PANK2: variants seen among roughly 807,000 people sequenced by gnomAD.
PANK2 encodes pantothenate kinase 2, mitochondrial.
A neutral mutation model predicts 43.1 loss-of-function variants in PANK2; 36 were observed. The observed-to-expected ratio is 0.84, with a 90% CI of 0.64 to 1.10. The LOEUF (loss-of-function observed/expected upper bound fraction) is 1.10, where lower values mean the gene tolerates loss of function less well. Ranked by LOEUF, PANK2 falls within the 50% of genes least tolerant of loss-of-function variation. The pLI, the probability that PANK2 is intolerant of heterozygous loss-of-function variation, is 0.00. For missense variants in PANK2, 576 were observed against 593.3 expected (o/e 0.97, Z 0.30); for synonymous variants, 281 against 238.2 (o/e 1.18, Z -1.66).
intron 1 of PANK2, among the ~76,000 whole-genome samples, chr20:3,900,295 T>C (rs1451507181): frequency 6.6e-6 from 1 of 151,736 alleles, no homozygotes; most frequent in Non-Finnish European, 1.5e-5. Flanking sequence ...CTTTCCCCTG[T>C]AGGGAAAGGA....
In PANK2 at chr20:3,912,100, G is replaced by A. The variant is rs566194782; in HGVS notation, c.906-358G>A. On this transcript the variant is annotated intron_variant, in intron 3 of 6. Coordinates refer to ENST00000610179, the MANE Select transcript of PANK2 (RefSeq NM_001386393.1). ...GTGTACTGATAAGCCAGGGTGACAA[G>A]GTGCTTGGATGAGAATGACTCAGGG... Among the ~76,000 whole-genome samples the A allele has an allele frequency of 1.5e-4, 23 of 152,286 alleles. 2 individuals carry two copies. The South Asian group carries it at 2.7e-3, about 18-fold the overall frequency.
intron 6 of PANK2, chr20:3,921,786 C>CT (rs1281236403): frequency 3.3e-5 from 5 of 152,220 alleles, no homozygotes; most frequent in African/African-American, 1.2e-4. Context: ...TCTCGGCTCA[C>CT]TTTAACTTCT....
chr20:3,904,300 G>T (rs1315051167), intron 1 of PANK2, among the ~76,000 whole-genome samples: 1 of 151,844 alleles, frequency 6.6e-6, no homozygotes, highest in Admixed American at 6.6e-5. Context: ...GCCAATTTTG[G>T]CTGGGCATGA....
At chr20:3,917,468 TC>T (rs71647851) in intron 5 of PANK2, 2 of 534,762 alleles carry the variant, frequency 3.7e-6, no homozygotes, top group African/African-American at 3.9e-5. Flanking sequence ...CCTCCTTGGC[TC>T]CCCCACCTCA....
upstream of PANK2, chr20:3,889,040 A>T: frequency 7.2e-7 from 1 of 1,379,388 alleles, no homozygotes; most frequent in East Asian, 2.5e-5. Flanking sequence ...TCGCCCCAGG[A>T]GAGTTCCGCG....
chr20:3,902,929 C>A (rs933608883), intron 1 of PANK2, among the ~76,000 whole-genome samples: 33 of 150,496 alleles, frequency 2.2e-4, no homozygotes, highest in Admixed American at 4.0e-4. Context: ...AAACTGCATC[C>A]ATTTAAAATA....
At chr20:3,889,765 G>GCCCCCCCTT in intron 1 of PANK2, 37 bp downstream of exon 1, 1 of 1,298,054 alleles carries the variant, frequency 7.7e-7, no homozygotes, top group South Asian at 1.3e-5. Context: ...GGCCCGCCCT[G>GCCCCCCCTT]CCCCCCCTTC....
chr20:3,902,962 G>T (rs1445331472), intron 1 of PANK2, among the ~76,000 whole-genome samples: 1 of 130,290 alleles, frequency 7.7e-6, no homozygotes, highest in African/African-American at 3.2e-5. Flanking sequence ...AGTTTCGACA[G>T]ATGTGTATAG....
chr20:3,898,365 A>G (rs2090245014), intron 1 of PANK2, among the ~76,000 whole-genome samples: 1 of 151,862 alleles, frequency 6.6e-6, no homozygotes, highest in African/African-American at 2.4e-5. Flanking sequence ...ATGCCTGACT[A>G]ATTTTTGTAT....
intron 6 of PANK2, among the ~76,000 whole-genome samples, chr20:3,919,890 C>G (rs2090621116): frequency 1.3e-5 from 2 of 152,142 alleles, no homozygotes; most frequent in Admixed American, 1.3e-4. Context: ...TTTAAAGTTA[C>G]TTTAAGTTTT....
intron 6 of PANK2, among the ~76,000 whole-genome samples, chr20:3,920,621 C>T (rs550367336): frequency 7.9e-5 from 12 of 152,146 alleles, no homozygotes; most frequent in African/African-American, 1.9e-4. Context: ...CCGAGGTGGG[C>T]GGATCATGAG....
chr20:3,923,694 A>G lies in PANK2; in HGVS notation c.*400A>G, dbSNP rs1568590102. The stretch of plus-strand genomic sequence containing the variant: ...TACTATGCGTTATAATCTAATCACA[A>G]TTTGTCAATATGGTCTTGGCAATCA... On this transcript the variant is annotated 3_prime_UTR_variant, in exon 7 of 7. Coordinates refer to ENST00000610179, the MANE Select transcript of PANK2 (RefSeq NM_001386393.1). 8.1e-6 allele frequency: 2 copies of G among 247,128 alleles called. No homozygotes were observed. Among genetic ancestry groups the G allele is most frequent in the East Asian group, 8.9e-5 (1 of 11,178 alleles). 15.3% of individuals were successfully genotyped at this position (247,128 alleles called of 1,614,324 possible). A position where few individuals can be genotyped will look rare whatever the true frequency, so the allele number is the denominator to read the frequency against.
chr20:3,893,461 CAAG>C (rs1257293337), intron 1 of PANK2, among the ~76,000 whole-genome samples: 1 of 152,088 alleles, frequency 6.6e-6, no homozygotes, highest in Non-Finnish European at 1.5e-5. Context: ...ACTCATGTAA[CAAG>C]AGAACATACA....
intron 1 of PANK2, among the ~76,000 whole-genome samples, chr20:3,906,873 A>G (rs1322519008): frequency 6.6e-6 from 1 of 151,914 alleles, no homozygotes; most frequent in Non-Finnish European, 1.5e-5. Flanking sequence ...ATCTTGGCTC[A>G]CTGCAGCTTC....
At chr20:3,902,972 GACACACAC>G (rs11468265) in intron 1 of PANK2, among the ~76,000 whole-genome samples, 11,633 of 141,298 alleles carry the variant, frequency 0.082, 597 homozygotes, top group East Asian at 0.13. Flanking sequence ...GATGTGTATA[GACACACAC>G]ACACACACAC....
At chr20:3,908,392 C>T in intron 2 of PANK2, 114 bp downstream of exon 2, 4 of 1,068,618 alleles carry the variant, frequency 3.7e-6, no homozygotes, top group Non-Finnish European at 4.1e-6. Context: ...TTTCTTGAGT[C>T]AAATGAAGAT....
At chr20:3,895,129 G>A (rs1201632377) in intron 1 of PANK2, among the ~76,000 whole-genome samples, 3 of 151,774 alleles carry the variant, frequency 2.0e-5, no homozygotes, top group South Asian at 4.2e-4. Context: ...AATAAAAAGG[G>A]CATGCATGGT....
At chr20:3,891,642 C>T (rs193234349) in intron 1 of PANK2, among the ~76,000 whole-genome samples, 14 of 152,150 alleles carry the variant, frequency 9.2e-5, no homozygotes, top group Admixed American at 6.5e-4. Context: ...TTACTTGAGG[C>T]GAAAATTTTT....
intron 4 of PANK2, among the ~76,000 whole-genome samples, chr20:3,915,367 C>T (rs540818560): frequency 1.4e-4 from 21 of 151,928 alleles, no homozygotes; most frequent in Non-Finnish European, 2.8e-4. Flanking sequence ...GGTGCGATCT[C>T]GGCTCACTGC....
Sources: gnomAD v4.1 joint callset for allele counts (sites outside exome capture counted in the v4.1 genomes callset) on GRCh38, gnomAD v4.1.1 for gene constraint, MANE v1.5 for transcripts, NCBI Gene and HGNC (gene_info 2026-07-23, HGNC 2026-07-21) for gene names.